Variants in SSH2 observed in about 807,000 individuals in gnomAD.
SSH2 encodes protein phosphatase Slingshot homolog 2.
In SSH2, 37 loss-of-function variants were observed where a neutral mutation model predicts 135.2. That is an observed-to-expected ratio of 0.27 (90% CI 0.21 to 0.36). SSH2 has a LOEUF of 0.36. Ranked by LOEUF, SSH2 falls within the 10% of genes least tolerant of loss-of-function variation. SSH2 has a pLI of 1.00. For synonymous variants in SSH2, 628 were observed against 646.2 expected, an observed-to-expected ratio of 0.97 and a Z score of 0.43; for missense variants, 1,408 against 1,765.3, an observed-to-expected ratio of 0.80 and a Z score of 3.63.
rs1057050978 is a variant in SSH2, at chr17:29,842,056, G to A, written c.144+6793C>T. On this transcript the variant is annotated intron_variant, in intron 2 of 15. Transcript: ENST00000540801. ...GCCCAAACCAGTGTTCTTAACCCTT[G>A]ATTCATATTAGAATAATCCTGGAAG... is the stretch of plus-strand genomic sequence containing the variant. Among the ~76,000 whole-genome samples the A allele has an allele frequency of 1.3e-5, 2 of 151,706 alleles. 1 individual carries two copies. The highest frequency in any genetic ancestry group is 1.3e-4 in the Admixed American group (2 of 15,224).
chr17:29,875,166 C>A (rs1285699520), intron 1 of SSH2, among the ~76,000 whole-genome samples: 2 of 152,174 alleles, frequency 1.3e-5, no homozygotes, highest in Non-Finnish European at 2.9e-5. Flanking sequence ...GACAGTCTCA[C>A]AGTCATCTGA....
At chr17:29,680,551 C>CAAA (rs1160865828) in intron 6 of SSH2, among the ~76,000 whole-genome samples, 1,041 of 21,522 alleles carry the variant, frequency 0.048, 363 homozygotes, top group African/African-American at 0.062. Context: ...GACTCCCTCT[C>CAAA]AAAAAAAAAA....
chr17:29,636,174 A>G lies in SSH2; in HGVS notation c.2056T>C (p.Phe686Leu). 1 of 1,613,992 alleles carries G rather than the reference A, an allele frequency of 6.2e-7. No individual in the cohort carries two copies. Among genetic ancestry groups the G allele is most frequent in the Non-Finnish European group, 8.5e-7 (1 of 1,180,010 alleles). ...RIDFFSALEK[F>L]VELSQETRSR... ...CGGGTTTCTTGGGAGAGCTCCACAA[A>G]CTTCTCTAGGGCACTAAAAAAGTCA... Residue 686 changes from phenylalanine to leucine, a missense_variant, in exon 15 of 16, where the codon TTT becomes CTT. Physicochemically the swap from Phe to Leu is conservative, Grantham distance 22 (BLOSUM62 0). Around this residue, in one of 3 missense-constraint regions of SSH2, gnomAD observed 1,080 missense variants for 1,144.5 expected, o/e 0.94. Transcript: ENST00000540801.
At chr17:29,870,473 A>G (rs745802488) in intron 1 of SSH2, among the ~76,000 whole-genome samples, 12 of 152,214 alleles carry the variant, frequency 7.9e-5, no homozygotes, top group Non-Finnish European at 1.5e-4. Context: ...TATACCCTTT[A>G]TGAGGTTTTG....
chr17:29,904,495 C>T (rs1012758721), intron 1 of SSH2, among the ~76,000 whole-genome samples: 2 of 152,146 alleles, frequency 1.3e-5, no homozygotes, highest in African/African-American at 4.8e-5. Flanking sequence ...ATTGAAGGAA[C>T]ATACCTCAAA....
At chr17:29,725,746 C>T (rs891674645) in intron 3 of SSH2, among the ~76,000 whole-genome samples, 61 of 152,052 alleles carry the variant, frequency 4.0e-4, no homozygotes, top group Admixed American at 3.1e-3. Context: ...TGGGGCCTGT[C>T]GGAGGGCTGG....
At chr17:29,754,609 G>A (rs192940599) in intron 3 of SSH2, among the ~76,000 whole-genome samples, 4 of 152,246 alleles carry the variant, frequency 2.6e-5, no homozygotes, top group Admixed American at 2.6e-4. Context: ...CAGTGCCTTA[G>A]TTTCAAGACA....
At chr17:29,779,599 G>C (rs2041792023) in intron 3 of SSH2, among the ~76,000 whole-genome samples, 1 of 151,548 alleles carries the variant, frequency 6.6e-6, no homozygotes, top group African/African-American at 2.4e-5. Flanking sequence ...CAGCACTTTG[G>C]GGTCAGGATT....
intron 3 of SSH2, among the ~76,000 whole-genome samples, chr17:29,744,809 A>G (rs1217360799): frequency 6.6e-6 from 1 of 152,046 alleles, no homozygotes; most frequent in Non-Finnish European, 1.5e-5. Context: ...TAATATCTAA[A>G]GCTAAGCACC....
chr17:29,714,194 GT>G (rs2039535983), intron 3 of SSH2, among the ~76,000 whole-genome samples: 1 of 151,680 alleles, frequency 6.6e-6, no homozygotes, highest in Non-Finnish European at 1.5e-5. Flanking sequence ...GGATGTCTTG[GT>G]TACTAAGAGA....
At chr17:29,671,058 C>T (rs891669665) in intron 9 of SSH2, among the ~76,000 whole-genome samples, 7 of 152,126 alleles carry the variant, frequency 4.6e-5, no homozygotes, top group Non-Finnish European at 1.0e-4. Flanking sequence ...TCAGCTTTAC[C>T]TTAGGCCTTT....
intron 3 of SSH2, among the ~76,000 whole-genome samples, chr17:29,731,008 T>A (rs1050606340): frequency 1.3e-5 from 2 of 152,312 alleles, no homozygotes; most frequent in Admixed American, 1.3e-4. Context: ...ATTGACTTGA[T>A]AGAGGCAGTA....
intron 11 of SSH2, among the ~76,000 whole-genome samples, chr17:29,659,549 A>C (rs937589439): frequency 1.3e-5 from 2 of 152,134 alleles, no homozygotes; most frequent in Admixed American, 6.5e-5. Flanking sequence ...TTTTGAGACG[A>C]GACTTGCTCT....
chr17:29,751,652 G>A (rs114700877), intron 3 of SSH2, among the ~76,000 whole-genome samples: 23 of 152,198 alleles, frequency 1.5e-4, no homozygotes, highest in African/African-American at 5.5e-4. Flanking sequence ...TAGTCACTAG[G>A]TGATTTTTCA....
At chr17:29,750,198 G>GAA (rs2151227647) in intron 3 of SSH2, among the ~76,000 whole-genome samples, 1 of 151,856 alleles carries the variant, frequency 6.6e-6, no homozygotes, top group East Asian at 2.0e-4. Flanking sequence ...AGCACTTTGG[G>GAA]AGGCCAAGGT....
At chr17:29,703,953 T>C (rs923232795) in intron 3 of SSH2, among the ~76,000 whole-genome samples, 2 of 152,222 alleles carry the variant, frequency 1.3e-5, no homozygotes, top group Non-Finnish European at 2.9e-5. Flanking sequence ...ATGCCTGAGT[T>C]TGAATCCTGG....
intron 1 of SSH2, among the ~76,000 whole-genome samples, chr17:29,906,489 C>T (rs2066656180): frequency 6.6e-6 from 1 of 152,152 alleles, no homozygotes; most frequent in Non-Finnish European, 1.5e-5. Flanking sequence ...AAAGCAAGTG[C>T]AACACAAGCA....
At chr17:29,732,226 TTTC>T (rs1361846615) in intron 3 of SSH2, among the ~76,000 whole-genome samples, 1 of 152,200 alleles carries the variant, frequency 6.6e-6, no homozygotes, top group African/African-American at 2.4e-5. Flanking sequence ...AAATATTTTC[TTTC>T]TTCTTAGTAG....
At chr17:29,663,556 T>C (rs1404684265) in intron 11 of SSH2, among the ~76,000 whole-genome samples, 1 of 152,210 alleles carries the variant, frequency 6.6e-6, no homozygotes, top group African/African-American at 2.4e-5. Flanking sequence ...TCCTCAATTT[T>C]GAAGTTTTTT....
Sources: allele counts gnomAD v4.1 joint callset (sites outside exome capture counted in the v4.1 genomes callset), GRCh38; gene constraint gnomAD v4.1.1; regional missense constraint gnomAD v4.1.1; transcripts MANE v1.5; gene names NCBI Gene and HGNC (gene_info 2026-07-23, HGNC 2026-07-21).